SKAP2: variants seen among roughly 807,000 people sequenced by gnomAD.
The protein encoded by SKAP2 is src kinase associated phosphoprotein 2.
SKAP2 carries 28 observed loss-of-function variants against 54.9 expected under a neutral mutation model. That is an observed-to-expected ratio of 0.51 (90% CI 0.38 to 0.70). The LOEUF (loss-of-function observed/expected upper bound fraction) is 0.70, where lower values mean the gene tolerates loss of function less well. Ranked by LOEUF, SKAP2 falls within the 30% of genes least tolerant of loss-of-function variation. The probability of loss-of-function intolerance (pLI) is 0.00; values close to 1 mark genes in which losing one functional copy is unlikely to be tolerated. For missense variants in SKAP2, 356 were observed against 424.1 expected (o/e 0.84, Z 1.41); for synonymous variants, 137 against 134.3 (o/e 1.02, Z -0.14).
intron 4 of SKAP2, among the ~76,000 whole-genome samples, chr7:26,790,515 C>G (rs1783652266): frequency 6.6e-6 from 1 of 152,134 alleles, no homozygotes; most frequent in South Asian, 2.1e-4. Context: ...GAAATACTAA[C>G]AAAAGGTTTT....
At position 26,859,332 on chromosome 7, in the gene SKAP2, TA is replaced by T. The variant is rs534570745; in HGVS notation, c.68-4443del. Among the ~76,000 whole-genome samples, 657 of 150,174 alleles carry T rather than the reference TA, an allele frequency of 4.4e-3. 2 individuals are homozygous for T. Among genetic ancestry groups the T allele is most frequent in the African/African-American group, 0.015 (617 of 40,908 alleles). ...CAGGGTATGGCTCTGACCAAACAGG[TA>T]CTGATAAACATAAAAATCAATTAAA... On this transcript the variant is annotated intron_variant, in intron 1 of 12. Coordinates refer to ENST00000345317, the MANE Select transcript of SKAP2 (RefSeq NM_003930.5).
intron 4 of SKAP2, among the ~76,000 whole-genome samples, chr7:26,821,658 A>G (rs527555737): frequency 6.6e-6 from 1 of 152,270 alleles, no homozygotes; most frequent in African/African-American, 2.4e-5. Context: ...TTCAAGCTCA[A>G]CAAACTTGAT....
chr7:26,668,166 T>A lies in SKAP2; in HGVS notation c.*1500A>T, dbSNP rs1172817077. ...AGTTTTACACAAATAATGGAGATTTTAAAATATTACCAGCTCAGATACATG... is the reference window on the plus strand; with the variant it reads ...AGTTTTACACAAATAATGGAGATTTAAAAATATTACCAGCTCAGATACATG... On this transcript the variant is annotated 3_prime_UTR_variant, in exon 13 of 13. Transcript: ENST00000345317. 6.6e-6 allele frequency: 1 copy of A among 152,192 alleles called. No homozygotes were observed. The highest frequency in any genetic ancestry group is 1.5e-5 in the Non-Finnish European group (1 of 68,038). The allele number at this position is 152,192 out of a possible 1,614,324, so 9.4% of individuals were successfully genotyped here.
intron 3 of SKAP2, among the ~76,000 whole-genome samples, chr7:26,853,284 G>T (rs1785086214): frequency 1.3e-5 from 2 of 152,134 alleles, no homozygotes; most frequent in African/African-American, 4.8e-5. Flanking sequence ...CATACTGTGT[G>T]TCTTCCTCAA....
chr7:26,762,161 C>A (rs1782947032), intron 4 of SKAP2, among the ~76,000 whole-genome samples: 2 of 151,950 alleles, frequency 1.3e-5, no homozygotes, highest in African/African-American at 4.8e-5. Flanking sequence ...TGCAGCTACT[C>A]GGGAGGCTGA....
chr7:26,714,503 T>C (rs566128925), intron 9 of SKAP2, among the ~76,000 whole-genome samples: 8 of 152,378 alleles, frequency 5.3e-5, no homozygotes, highest in South Asian at 2.1e-4. Context: ...TTGGATTTTT[T>C]CCCATTTTGT....
At chr7:26,753,084 T>A (rs544188902) in intron 4 of SKAP2, among the ~76,000 whole-genome samples, 1 of 152,356 alleles carries the variant, frequency 6.6e-6, no homozygotes, top group East Asian at 1.9e-4. Context: ...GCAGTTTTTC[T>A]TCTTACTATG....
intron 4 of SKAP2, among the ~76,000 whole-genome samples, chr7:26,795,080 T>C (rs1469906215): frequency 6.6e-6 from 1 of 152,170 alleles, no homozygotes. Flanking sequence ...TAAAGAGATT[T>C]TACTAATAAA....
At chr7:26,735,126 T>C (rs946016748) in intron 6 of SKAP2, among the ~76,000 whole-genome samples, 2 of 152,138 alleles carry the variant, frequency 1.3e-5, no homozygotes, top group African/African-American at 4.8e-5. Context: ...CCTCTCTCAC[T>C]GATATCCACA....
chr7:26,676,511 T>C (rs992048785), intron 11 of SKAP2, among the ~76,000 whole-genome samples: 10 of 152,290 alleles, frequency 6.6e-5, no homozygotes, highest in South Asian at 4.1e-4. Flanking sequence ...TCCCTTATTA[T>C]GTTGAGCCTC....
intron 4 of SKAP2, among the ~76,000 whole-genome samples, chr7:26,834,696 G>C (rs1249280538): frequency 1.3e-5 from 2 of 152,134 alleles, no homozygotes; most frequent in Non-Finnish European, 2.9e-5. Context: ...AATTGAGGCA[G>C]TAATTAACAG....
intron 4 of SKAP2, among the ~76,000 whole-genome samples, chr7:26,840,735 AAAAT>A (rs1406478357): frequency 1.3e-5 from 2 of 152,096 alleles, no homozygotes; most frequent in African/African-American, 4.8e-5. Context: ...TAAAGCTAAT[AAAAT>A]GAAACTTCTA....
intron 4 of SKAP2, among the ~76,000 whole-genome samples, chr7:26,766,597 C>T (rs570681030): frequency 2.0e-4 from 30 of 152,230 alleles, no homozygotes; most frequent in East Asian, 1.2e-3. Context: ...AGTATGATAT[C>T]GGCTGTGGGT....
chr7:26,762,162 G>A lies in SKAP2; in HGVS notation c.308-22198C>T, dbSNP rs549412923. ...AAAAAAACATCTATTGCAGCTACTCGGGAGGCTGAGGTAGGAGGACTGCTT... is the reference window on the plus strand; with the variant it reads ...AAAAAAACATCTATTGCAGCTACTCAGGAGGCTGAGGTAGGAGGACTGCTT... On this transcript the variant is annotated intron_variant, in intron 4 of 12. Coordinates refer to ENST00000345317, the MANE Select transcript of SKAP2 (RefSeq NM_003930.5). Among the ~76,000 whole-genome samples the A allele has an allele frequency of 2.0e-4, 31 of 151,988 alleles. 1 individual carries two copies. In the South Asian group the frequency reaches 5.4e-3, roughly 26 times the overall value.
At chr7:26,663,509 T>C (rs1786055387), downstream of SKAP2, among the ~76,000 whole-genome samples, 1 of 152,150 alleles carries the variant, frequency 6.6e-6, no homozygotes, top group Non-Finnish European at 1.5e-5. Context: ...ATAAAAATTC[T>C]TCTTAAACAA....
intron 11 of SKAP2, among the ~76,000 whole-genome samples, chr7:26,673,817 G>A (rs1297323413): frequency 6.6e-6 from 1 of 152,022 alleles, no homozygotes; most frequent in Non-Finnish European, 1.5e-5. Flanking sequence ...TATTTATTGA[G>A]CAGTAAGAGT....
chr7:26,756,457 T>C (rs950752439), intron 4 of SKAP2, among the ~76,000 whole-genome samples: 1 of 152,220 alleles, frequency 6.6e-6, no homozygotes, highest in African/African-American at 2.4e-5. Flanking sequence ...GATAGTTTGC[T>C]GAGAATGATG....
chr7:26,744,332 G>A (rs1158088398), intron 4 of SKAP2, among the ~76,000 whole-genome samples: 1 of 152,108 alleles, frequency 6.6e-6, no homozygotes. Flanking sequence ...GTATCACTTA[G>A]TGACATTTCA....
chr7:26,702,696 A>G (rs1032038585), intron 9 of SKAP2, among the ~76,000 whole-genome samples: 9 of 152,302 alleles, frequency 5.9e-5, no homozygotes, highest in African/African-American at 2.2e-4. Flanking sequence ...GCCCTACAGT[A>G]ATAGCTTCTA....
Sources: allele counts gnomAD v4.1 joint callset (sites outside exome capture counted in the v4.1 genomes callset), GRCh38; gene constraint gnomAD v4.1.1; transcripts MANE v1.5; gene names NCBI Gene and HGNC (gene_info 2026-07-23, HGNC 2026-07-21).